The following SH3BP5 variants were observed in gnomAD, a reference collection of about 807,000 sequenced individuals.
The protein encoded by SH3BP5 is SH3 domain-binding protein 5.
In SH3BP5, 22 loss-of-function variants were observed where a neutral mutation model predicts 43.3. That is an observed-to-expected ratio of 0.51 (90% CI 0.36 to 0.73). The LOEUF (loss-of-function observed/expected upper bound fraction) is 0.73. Among genes scored for constraint, SH3BP5 ranks in the 30% least tolerant of loss-of-function variants. The probability of loss-of-function intolerance (pLI) is 0.00; values close to 1 mark genes in which losing one functional copy is unlikely to be tolerated. For synonymous variants in SH3BP5, 255 were observed against 225.8 expected (o/e 1.13, Z -1.16); for missense variants, 529 against 586.9 (o/e 0.90, Z 1.02).
At chr3:15,303,825 G>T (rs1311789696) in intron 3 of SH3BP5, among the ~76,000 whole-genome samples, 1 of 152,200 alleles carries the variant, frequency 6.6e-6, no homozygotes, top group Non-Finnish European at 1.5e-5. Flanking sequence ...GTCATTAGGA[G>T]CGGAGGAGGA....
chr3:15,333,399 C>T, upstream of SH3BP5: 1 of 366,992 alleles, frequency 2.7e-6, no homozygotes, highest in Non-Finnish European at 3.8e-6. Flanking sequence ...AAATGCAGAA[C>T]GTGCACATGT....
intron 2 of SH3BP5, among the ~76,000 whole-genome samples, chr3:15,310,270 A>G (rs1037924152): frequency 6.6e-6 from 1 of 152,238 alleles, no homozygotes; most frequent in Non-Finnish European, 1.5e-5. Flanking sequence ...TGCAGCAGAT[A>G]GCAGCCATCC....
chr3:15,273,919 C>T (rs1465648546), intron 3 of SH3BP5, among the ~76,000 whole-genome samples: 1 of 152,126 alleles, frequency 6.6e-6, no homozygotes, highest in East Asian at 1.9e-4. Flanking sequence ...CTTTGGGAGC[C>T]ATATTAGTCC....
chr3:15,336,136 A>G (rs1273179985), upstream of SH3BP5, among the ~76,000 whole-genome samples: 4 of 152,168 alleles, frequency 2.6e-5, no homozygotes, highest in East Asian at 7.7e-4. Context: ...CTCCGTCTCA[A>G]AAAAAAGAAA....
chr3:15,262,309 TCAGCCCAGTCCAGCCCAGAA>T lies in SH3BP5; in HGVS notation c.496-40_496-21del. Reference sequence around the variant, plus strand: ...CATGACCTTAAAATGACAGCAGAGTTCAGCCCAGTCCAGCCCAGAACAGCCCAGGCTTGGAATATTACTTA... The same window carrying T: ...CATGACCTTAAAATGACAGCAGAGTTCAGCCCAGGCTTGGAATATTACTTA... On this transcript the variant is annotated intron_variant, in intron 4 of 8. Coordinates refer to ENST00000383791, the MANE Select transcript of SH3BP5 (RefSeq NM_004844.5). 4.3e-6 allele frequency: 7 copies of T among 1,613,740 alleles called. No individual in the cohort carries two copies. Among genetic ancestry groups the T allele is most frequent in the South Asian group, 3.3e-5 (3 of 91,076 alleles).
intron 3 of SH3BP5, among the ~76,000 whole-genome samples, chr3:15,297,982 T>C (rs954573426): frequency 2.0e-5 from 3 of 151,676 alleles, no homozygotes; most frequent in Non-Finnish European, 2.9e-5. Context: ...TCTTTTTTTT[T>C]TTTTTTTTTA....
chr3:15,265,544 A>ACACACACACACACACACACAC, intron 4 of SH3BP5, among the ~76,000 whole-genome samples: 1 of 142,810 alleles, frequency 7.0e-6, no homozygotes, highest in East Asian at 2.1e-4. Flanking sequence ...ACACACACAC[A>ACACACACACACACACACACAC]CACACACACA....
chr3:15,311,908 G>A (rs748533156), intron 2 of SH3BP5, among the ~76,000 whole-genome samples: 2 of 152,090 alleles, frequency 1.3e-5, no homozygotes, highest in Non-Finnish European at 1.5e-5. Context: ...GGGCTCAAGC[G>A]ATTCTCCTGC....
At chr3:15,338,485 C>T (rs1698727993) in intron 1 of SH3BP5, among the ~76,000 whole-genome samples, 1 of 152,194 alleles carries the variant, frequency 6.6e-6, no homozygotes, top group Non-Finnish European at 1.5e-5. Flanking sequence ...AACTAGCATC[C>T]CCTCTTTCTC....
At chr3:15,259,733 C>T in intron 6 of SH3BP5, 28 bp downstream of exon 6, 1 of 1,611,758 alleles carries the variant, frequency 6.2e-7, no homozygotes, top group Non-Finnish European at 8.5e-7. Context: ...AAAATCTCAT[C>T]AGTGACGAAG....
At chr3:15,327,581 T>C (rs1698496517) in intron 2 of SH3BP5, among the ~76,000 whole-genome samples, 1 of 152,214 alleles carries the variant, frequency 6.6e-6, no homozygotes, top group Non-Finnish European at 1.5e-5. Flanking sequence ...CTCCAGTGTC[T>C]CTGTCACACT....
chr3:15,259,145 T>G (rs756988605), intron 6 of SH3BP5, 95 bp from the exon 7 acceptor site: 4 of 995,518 alleles, frequency 4.0e-6, no homozygotes, highest in Non-Finnish European at 6.1e-6. Context: ...TGCCCATCAT[T>G]CTACTTCAAG....
chr3:15,259,109 T>G, intron 6 of SH3BP5, 59 bp from the exon 7 acceptor site: 1 of 1,360,724 alleles, frequency 7.3e-7, no homozygotes, highest in South Asian at 1.2e-5. Context: ...AGATGCTTTC[T>G]GAATGACAGG....
intron 5 of SH3BP5, among the ~76,000 whole-genome samples, chr3:15,261,859 A>G (rs1261609062): frequency 2.0e-5 from 3 of 152,226 alleles, no homozygotes; most frequent in African/African-American, 7.2e-5. Context: ...CCCAGAGTAC[A>G]GCGTGAATTT....
chr3:15,337,118 C>T (rs181931341), upstream of SH3BP5, among the ~76,000 whole-genome samples: 233 of 122,784 alleles, frequency 1.9e-3, 4 homozygotes, highest in African/African-American at 6.9e-3. Context: ...GGGACAGAGT[C>T]GCGCTATGTC....
chr3:15,334,940 A>C (rs1029267723), upstream of SH3BP5, among the ~76,000 whole-genome samples: 1 of 151,344 alleles, frequency 6.6e-6, no homozygotes, highest in Non-Finnish European at 1.5e-5. Context: ...TGACAGCAAG[A>C]CCCTGTCTCA....
At chr3:15,260,061 T>C (rs1696376987) in intron 5 of SH3BP5, 2 of 526,144 alleles carry the variant, frequency 3.8e-6, no homozygotes, top group Admixed American at 3.3e-5. Flanking sequence ...CACACACACA[T>C]ATCTTGGGGA....
intron 3 of SH3BP5, among the ~76,000 whole-genome samples, chr3:15,303,329 G>T (rs1427395682): frequency 6.6e-6 from 1 of 152,222 alleles, no homozygotes; most frequent in Non-Finnish European, 1.5e-5. Context: ...GAAGCAGGCT[G>T]AGGAAGGTGA....
chr3:15,266,316 G>A (rs1575287289), intron 4 of SH3BP5, among the ~76,000 whole-genome samples: 1 of 152,334 alleles, frequency 6.6e-6, no homozygotes, highest in South Asian at 2.1e-4. Flanking sequence ...CTCCTCACCT[G>A]CCATCCCAGG....
Sources: gnomAD v4.1 joint callset for allele counts (sites outside exome capture counted in the v4.1 genomes callset) on GRCh38, gnomAD v4.1.1 for gene constraint, MANE v1.5 for transcripts, NCBI Gene and HGNC (gene_info 2026-07-23, HGNC 2026-07-21) for gene names.